The following CCNB3 variants were observed in gnomAD, a reference collection of about 807,000 sequenced individuals.
CCNB3 encodes the protein G2/mitotic-specific cyclin-B3.
CCNB3 carries 12 observed loss-of-function variants against 68.0 expected under a neutral mutation model. That is an observed-to-expected ratio of 0.18 (90% CI 0.11 to 0.29). The LOEUF (loss-of-function observed/expected upper bound fraction) is 0.29, where lower values mean the gene tolerates loss of function less well. Ranked by LOEUF, CCNB3 falls within the 10% of genes least tolerant of loss-of-function variation. The pLI is 1.00. For missense variants in CCNB3, 904 were observed against 993.1 expected (o/e 0.91, Z 1.21); for synonymous variants, 354 against 388.9 (o/e 0.91, Z 1.06).
intron 1 of CCNB3, among the ~76,000 whole-genome samples, chrX:50,223,185 G>A (rs1935699908): frequency 9.0e-6 from 1 of 110,761 alleles, no homozygotes; most frequent in South Asian, 3.9e-4. Context: ...AAGGTTCTTA[G>A]CTTCCTTGCA....
chrX:50,289,696 G>A (rs1557209865), intron 4 of CCNB3, among the ~76,000 whole-genome samples: 1 of 111,577 alleles, frequency 9.0e-6, no homozygotes, highest in African/African-American at 3.3e-5. Context: ...CTTTATAGAT[G>A]AGGACTTCAC....
chrX:50,278,987 T>C (rs1416184040), intron 1 of CCNB3, among the ~76,000 whole-genome samples: 1 of 48,093 alleles, frequency 2.1e-5, no homozygotes, highest in Non-Finnish European at 3.3e-5. Flanking sequence ...ATGTAGTATA[T>C]ATAAATACAT....
At chrX:50,312,735 A>G in intron 7 of CCNB3, 103 bp downstream of exon 7, 1 of 517,007 alleles carries the variant, frequency 1.9e-6, no homozygotes, top group Non-Finnish European at 3.3e-6. Flanking sequence ...ATGATGATAA[A>G]AATAATAATA....
At chrX:50,347,586 T>C (rs1557220542) in intron 10 of CCNB3, 40 bp from the exon 11 acceptor site, 1 of 1,176,252 alleles carries the variant, frequency 8.5e-7, no homozygotes, top group Non-Finnish European at 1.1e-6. Flanking sequence ...GTGCCAGTTT[T>C]CTAAATTGAT....
At chrX:50,215,849 T>C (rs1464696252) in intron 1 of CCNB3, among the ~76,000 whole-genome samples, 1 of 111,013 alleles carries the variant, frequency 9.0e-6, no homozygotes, top group East Asian at 2.8e-4. Flanking sequence ...GTATGCATGA[T>C]ATATCTTTTC....
At chrX:50,312,881 C>A (rs1921540895) in intron 7 of CCNB3, among the ~76,000 whole-genome samples, 1 of 110,836 alleles carries the variant, frequency 9.0e-6, no homozygotes, top group African/African-American at 3.3e-5. Flanking sequence ...AGGAAACTGC[C>A]CAGAGTCATG....
In CCNB3 at chrX:50,288,823, A is replaced by G. The variant is rs782584766; in HGVS notation, c.140A>G (p.Gln47Arg). 2.2e-5 allele frequency: 27 copies of G among 1,207,321 alleles called. No homozygotes were observed. In the Admixed American group the frequency reaches 3.7e-4, roughly 17 times the overall value. ...ACGAAGATATCTCCATCTTCACTTC[A>G]GGAGTCTCCATCTTCACTTCAGGGA... is the stretch of plus-strand genomic sequence containing the variant. ...CQTKISPSSLQESPSSLQGAL... is the reference protein window; with the variant it reads ...CQTKISPSSLRESPSSLQGAL... The change falls in exon 4 of 13, where the codon CAG becomes CGG. Residue 47 changes from glutamine (Q) to arginine (R), a missense_variant. By Grantham distance (43) the Gln-to-Arg change is conservative. Coordinates refer to ENST00000376042, the MANE Select transcript of CCNB3 (RefSeq NM_033031.3).
chrX:50,332,767 C>T (rs1431272700), intron 8 of CCNB3, among the ~76,000 whole-genome samples: 1 of 111,769 alleles, frequency 8.9e-6, no homozygotes, highest in African/African-American at 3.3e-5. Flanking sequence ...CCTTCATCCA[C>T]ACGTGGTCAC....
chrX:50,224,163 C>A (rs1235412197), intron 1 of CCNB3, among the ~76,000 whole-genome samples: 1 of 110,526 alleles, frequency 9.0e-6, no homozygotes, highest in African/African-American at 3.3e-5. Flanking sequence ...TTTTTTCCTT[C>A]TGCAAAATTA....
chrX:50,209,997 A>G (rs1331042359), intron 1 of CCNB3, among the ~76,000 whole-genome samples: 1 of 111,922 alleles, frequency 8.9e-6, no homozygotes, highest in African/African-American at 3.2e-5. Context: ...TTTAGCTACT[A>G]AAAAATTTCT....
Position 50,309,478 on chromosome X carries a change from G to T in CCNB3, c.1309G>T (p.Ala437Ser). Residue 437 changes from alanine (A) to serine (S), a missense_variant, in exon 6 of 13, where the codon GCA becomes TCA. Around this residue, in one of 2 missense-constraint regions of CCNB3, gnomAD observed 619 missense variants for 609.8 expected, o/e 1.02. Coordinates refer to ENST00000376042, the MANE Select transcript of CCNB3 (RefSeq NM_033031.3). ...EKESFSQEPS[A>S]LQKKHTTQEE... ...GGAGTCCTTTTCCCAGGAACCATCT[G>T]CATTGCAAAAGAAGCACACCACTCA... is the stretch of plus-strand genomic sequence containing the variant. 1 of 1,211,585 alleles carries T rather than the reference G, an allele frequency of 8.3e-7. No individual in the cohort carries two copies.
chrX:50,335,953 G>A (rs1922829659), intron 8 of CCNB3, among the ~76,000 whole-genome samples: 1 of 111,450 alleles, frequency 9.0e-6, no homozygotes, highest in Non-Finnish European at 1.9e-5. Flanking sequence ...AGCCTGCTTA[G>A]TGGAAACTCC....
chrX:50,280,022 A>T (rs1263516519), intron 1 of CCNB3, among the ~76,000 whole-genome samples: 33 of 85,029 alleles, frequency 3.9e-4, no homozygotes, highest in African/African-American at 1.4e-3. Flanking sequence ...AATATATAGA[A>T]TATATATAAA....
chrX:50,226,389 GAATA>G (rs1287413355), intron 1 of CCNB3, among the ~76,000 whole-genome samples: 1 of 37,745 alleles, frequency 2.6e-5, no homozygotes, highest in Non-Finnish European at 4.3e-5. Flanking sequence ...TATATATATA[GAATA>G]TATATAAAAA....
intron 5 of CCNB3, among the ~76,000 whole-genome samples, chrX:50,307,014 G>A (rs1557213660): frequency 1.8e-5 from 2 of 111,639 alleles, no homozygotes; most frequent in African/African-American, 6.5e-5. Flanking sequence ...GTGTTTCTTT[G>A]AAGAGTTAAT....
In CCNB3 at chrX:50,310,839, C is replaced by G; in HGVS notation, c.2670C>G (p.Thr890=). The G allele has an allele frequency of 8.3e-7, 1 of 1,211,748 alleles. No individual in the cohort carries two copies. The highest frequency in any genetic ancestry group is 1.8e-5 in the South Asian group (1 of 56,977). The change falls in exon 6 of 13, where the codon ACC becomes ACG. Residue 890 remains threonine, a synonymous_variant. Coordinates refer to ENST00000376042, the MANE Select transcript of CCNB3 (RefSeq NM_033031.3). ...LWEKPSTEKE[T]IFKESLDLQE... is the part of the protein sequence containing the mutation. ...AGAAGCCCAGCACTGAGAAGGAGACCATCTTCAAGGAGTCTTTGGACTTGC... is the reference window on the plus strand; with the variant it reads ...AGAAGCCCAGCACTGAGAAGGAGACGATCTTCAAGGAGTCTTTGGACTTGC...
At chrX:50,227,884 G>A (rs1935932522) in intron 1 of CCNB3, among the ~76,000 whole-genome samples, 1 of 72,686 alleles carries the variant, frequency 1.4e-5, no homozygotes. Context: ...TATATAGAGA[G>A]AAAATATATA....
At chrX:50,279,053 T>C (rs1376917015) in intron 1 of CCNB3, among the ~76,000 whole-genome samples, 9 of 58,498 alleles carry the variant, frequency 1.5e-4, no homozygotes, top group African/African-American at 6.7e-4. Context: ...ATATTGAATA[T>C]ATATAGAATA....
chrX:50,285,519 A>G (rs1272822702), intron 3 of CCNB3, among the ~76,000 whole-genome samples: 1 of 111,459 alleles, frequency 9.0e-6, no homozygotes, highest in Non-Finnish European at 1.9e-5. Context: ...CTCAGTCCTC[A>G]TTAATGATCA....
Sources: allele counts gnomAD v4.1 joint callset (sites outside exome capture counted in the v4.1 genomes callset), GRCh38; gene constraint gnomAD v4.1.1; regional missense constraint gnomAD v4.1.1; transcripts MANE v1.5; gene names NCBI Gene and HGNC (gene_info 2026-07-23, HGNC 2026-07-21).